ATR: variants seen among roughly 807,000 people sequenced by gnomAD.
ATR encodes ATR checkpoint kinase, also known as serine/threonine-protein kinase ATR.
In ATR, 142 loss-of-function variants were observed where a neutral mutation model predicts 305.3. The ratio of observed to expected loss-of-function variants is 0.47; its 90% CI spans 0.41 to 0.53. The LOEUF is 0.53. Among genes scored for constraint, ATR ranks in the 20% least tolerant of loss-of-function variants. ATR has a pLI of 0.00. For synonymous variants in ATR, 1,050 were observed against 1,068.1 expected (o/e 0.98, Z 0.33); for missense variants, 2,135 against 3,133.1 (o/e 0.68, Z 7.60).
chr3:142,535,209 T>TA lies in ATR; in HGVS notation c.3820-5dup. 6.2e-7 allele frequency: 1 copy of TA among 1,613,002 alleles called. No homozygotes were observed. The highest frequency in any genetic ancestry group is 8.5e-7 in the Non-Finnish European group (1 of 1,179,292). ...GATCAGTGCTCTCAGAGGTCTCCTATATACAAAGCACAGAGAGACAGAACT... is the reference window on the plus strand; with the variant it reads ...GATCAGTGCTCTCAGAGGTCTCCTATAATACAAAGCACAGAGAGACAGAACT... On this transcript the variant is annotated splice_polypyrimidine_tract_variant and splice_region_variant and intron_variant, in intron 20 of 46. Coordinates refer to ENST00000350721, the MANE Select transcript of ATR (RefSeq NM_001184.4).
At chr3:142,454,986 C>T (rs1253503275) in intron 45 of ATR, among the ~76,000 whole-genome samples, 2 of 152,282 alleles carry the variant, frequency 1.3e-5, no homozygotes, top group African/African-American at 4.8e-5. Context: ...AAAACTGTAT[C>T]TGCAGGTGAC....
At chr3:142,519,403 G>A (rs2033046599) in intron 24 of ATR, among the ~76,000 whole-genome samples, 1 of 151,750 alleles carries the variant, frequency 6.6e-6, no homozygotes, top group African/African-American at 2.4e-5. Flanking sequence ...CTGGGTTCAA[G>A]TGATTCTCCT....
intron 24 of ATR, among the ~76,000 whole-genome samples, chr3:142,516,984 A>ATATATATAT (rs2032892222): frequency 7.2e-6 from 1 of 139,128 alleles, no homozygotes; most frequent in African/African-American, 2.7e-5. Context: ...ATACCCAAAT[A>ATATATATAT]ATATATATAT....
Position 142,449,311 on chromosome 3 carries a change from AAC to A in ATR, c.*116_*117del, listed in dbSNP as rs1273620770. On this transcript the variant is annotated 3_prime_UTR_variant, in exon 47 of 47. Coordinates refer to ENST00000350721, the MANE Select transcript of ATR (RefSeq NM_001184.4). The stretch of plus-strand genomic sequence containing the variant: ...ATATAATTAATGATCAGAGAGAAAT[AAC>A]AGTTGCTGAGAACGTAAATTTATGT... 2 of 894,178 alleles carry A rather than the reference AAC, an allele frequency of 2.2e-6. No individual in the cohort carries two copies. Among genetic ancestry groups the A allele is most frequent in the African/African-American group, 1.7e-5 (1 of 59,286 alleles). The allele number at this position is 894,178 out of a possible 1,614,324, so 55.4% of individuals were successfully genotyped here.
intron 46 of ATR, chr3:142,450,319 G>T: frequency 9.4e-7 from 1 of 1,058,448 alleles, no homozygotes; most frequent in Non-Finnish European, 1.4e-6. Flanking sequence ...TGAAGCACTT[G>T]AGCCATGTGC....
At chr3:142,476,575 A>C (rs946165087) in intron 36 of ATR, among the ~76,000 whole-genome samples, 1 of 152,124 alleles carries the variant, frequency 6.6e-6, no homozygotes, top group African/African-American at 2.4e-5. Context: ...TTGGCAATGC[A>C]GGCTCTTTTT....
At chr3:142,481,095 T>C (rs1382793134) in intron 36 of ATR, among the ~76,000 whole-genome samples, 1 of 152,182 alleles carries the variant, frequency 6.6e-6, no homozygotes, top group Middle Eastern at 3.2e-3. Context: ...CCCACTGTCC[T>C]GCACCCACTG....
At chr3:142,486,484 C>T (rs1402872208) in intron 35 of ATR, among the ~76,000 whole-genome samples, 2 of 151,910 alleles carry the variant, frequency 1.3e-5, no homozygotes, top group Non-Finnish European at 1.5e-5. Context: ...TTCCTTCCTC[C>T]TCCCTCTCTC....
rs1453099455 is a variant in ATR, at chr3:142,516,965, C to T, written c.4383-1450G>A. Among the ~76,000 whole-genome samples the T allele has an allele frequency of 2.6e-4, 38 of 144,754 alleles. No homozygotes were observed. The Admixed American group carries it at 2.7e-3, about 10-fold the overall frequency. 95.0% of individuals were successfully genotyped at this position (144,754 alleles called of 152,430 possible). ...TAGGAAATAACAAATGCCCTATACC[C>T]AAAGTCTTATACCCAAATAATATAT... On this transcript the variant is annotated intron_variant, in intron 24 of 46. Coordinates refer to ENST00000350721, the MANE Select transcript of ATR (RefSeq NM_001184.4).
chr3:142,520,847 T>C (rs1577622770), intron 23 of ATR, among the ~76,000 whole-genome samples: 2 of 152,294 alleles, frequency 1.3e-5, no homozygotes, highest in East Asian at 3.9e-4. Flanking sequence ...CTGCAGCAAG[T>C]TATCCAGAAG....
chr3:142,488,435 C>T (rs375163050), intron 35 of ATR, among the ~76,000 whole-genome samples: 75 of 152,180 alleles, frequency 4.9e-4, no homozygotes, highest in African/African-American at 1.6e-3. Flanking sequence ...TGACCTCACA[C>T]GATACAGTAA....
chr3:142,552,926 T>C (rs928363664), intron 13 of ATR, among the ~76,000 whole-genome samples: 26 of 132,672 alleles, frequency 2.0e-4, no homozygotes, highest in African/African-American at 7.1e-4. Flanking sequence ...CATGGACACA[T>C]GGGGGGAACA....
chr3:142,463,431 C>CT (rs963837367), intron 41 of ATR, among the ~76,000 whole-genome samples: 29 of 152,290 alleles, frequency 1.9e-4, no homozygotes, highest in African/African-American at 6.5e-4. Flanking sequence ...GAATCTCACT[C>CT]TGTCACCCAG....
Position 142,547,622 on chromosome 3 carries a change from T to C in ATR, c.3357+103A>G, listed in dbSNP as rs2034318666. 16 of 1,310,066 alleles carry C rather than the reference T, an allele frequency of 1.2e-5. No individual in the cohort carries two copies. In the Middle Eastern group the frequency reaches 5.8e-4, roughly 47 times the overall value. 81.2% of individuals were successfully genotyped at this position (1,310,066 alleles called of 1,614,324 possible). On this transcript the variant is annotated intron_variant, in intron 16 of 46. Transcript: ENST00000350721. ...CCAACTTAAAATTTAAACAAATGGCTAGCAGCCAGAAAATGACCAAAAATA... is the reference window on the plus strand; with the variant it reads ...CCAACTTAAAATTTAAACAAATGGCCAGCAGCCAGAAAATGACCAAAAATA...
chr3:142,453,088 T>A (rs1023013423), intron 46 of ATR, 40 bp downstream of exon 46: 9 of 1,613,146 alleles, frequency 5.6e-6, no homozygotes, highest in Non-Finnish European at 7.6e-6. Flanking sequence ...TTTGTAGAGA[T>A]GAGGACTACA....
At position 142,512,337 on chromosome 3, in the gene ATR, G is replaced by A. The variant is rs1483924843; in HGVS notation, c.4775C>T (p.Ala1592Val). Reference sequence around the variant, plus strand: ...TTTCAGTGCCTGAAATTTGTGCCTTGCCCACTGTGTGAGATGGTCAAGCAT... The same window carrying A: ...TTTCAGTGCCTGAAATTTGTGCCTTACCCACTGTGTGAGATGGTCAAGCAT... Reference protein sequence around the residue: ...FSMLDHLTQWARHKFQALKAE... With the variant: ...FSMLDHLTQWVRHKFQALKAE... The change falls in exon 27 of 47, where the codon GCA becomes GTA. Residue 1592 changes from alanine (A) to valine (V), a missense_variant. Ala to Val is a moderately conservative substitution (Grantham distance 64). Transcript: ENST00000350721. The A allele has an allele frequency of 3.1e-6, 5 of 1,613,660 alleles. No individual in the cohort carries two copies. The South Asian group carries it at 5.5e-5, about 18-fold the overall frequency.
chr3:142,550,945 C>A (rs1305985883), intron 13 of ATR, among the ~76,000 whole-genome samples: 1 of 152,048 alleles, frequency 6.6e-6, no homozygotes, highest in Non-Finnish European at 1.5e-5. Context: ...CCGCCCCATG[C>A]CCGGTTAATT....
chr3:142,496,621 A>G, intron 33 of ATR, 101 bp from the exon 34 acceptor site: 1 of 1,291,940 alleles, frequency 7.7e-7, no homozygotes, highest in Non-Finnish European at 1.1e-6. Context: ...CTTTGCAAGT[A>G]GTTCCAATGT....
rs559805028 is a variant in ATR, at chr3:142,535,719, A to G, written c.3819+389T>C. On this transcript the variant is annotated intron_variant, in intron 20 of 46. Coordinates refer to ENST00000350721, the MANE Select transcript of ATR (RefSeq NM_001184.4). ...CTTCTAAATCTCAGGAATCATTCAC[A>G]TCTGACATTTCTATATCATGGTTTG... 8.5e-4 allele frequency among the ~76,000 whole-genome samples: 130 copies of G among 152,312 alleles called. No individual in the cohort carries two copies. Among genetic ancestry groups the G allele is most frequent in the Non-Finnish European group, 1.5e-3 (105 of 68,022 alleles).
Sources: gnomAD v4.1 joint callset for allele counts (sites outside exome capture counted in the v4.1 genomes callset) on GRCh38, gnomAD v4.1.1 for gene constraint, MANE v1.5 for transcripts, NCBI Gene and HGNC (gene_info 2026-07-23, HGNC 2026-07-21) for gene names.